The following INSL6 variants were observed in gnomAD, a reference collection of about 807,000 sequenced individuals.
INSL6 encodes the protein insulin like 6.
In INSL6, 16 loss-of-function variants were observed where a neutral mutation model predicts 9.4. The observed-to-expected ratio is 1.70, with a 90% CI of 1.15 to 2.59. The LOEUF (loss-of-function observed/expected upper bound fraction) is 2.59. Among genes scored for constraint, INSL6 ranks in the 30% most tolerant of loss-of-function variants. The pLI is 0.00. For synonymous variants in INSL6, 154 were observed against 96.9 expected (o/e 1.59, Z -3.46); for missense variants, 391 against 257.3 (o/e 1.52, Z -3.56).
chr9:5,040,323 C>T, the INSL6 span, among the ~76,000 whole-genome samples: 5 of 151,494 alleles, frequency 3.3e-5, no homozygotes, highest in Non-Finnish European at 7.4e-5. Flanking sequence ...GGATCATAGG[C>T]CTATATATGA....
chr9:5,052,050 G>A, the INSL6 span, among the ~76,000 whole-genome samples: 1 of 152,094 alleles, frequency 6.6e-6, no homozygotes, highest in African/African-American at 2.4e-5. Context: ...ATAGTTGGAG[G>A]AAGAGTATCT....
At chr9:5,069,810 T>G in the INSL6 span, 2 of 505,278 alleles carry the variant, frequency 4.0e-6, no homozygotes, top group Non-Finnish European at 6.5e-6. Flanking sequence ...AAAAGAACAA[T>G]TAGGAGTTAT....
At chr9:5,082,005 C>T in the INSL6 span, 1 of 687,798 alleles carries the variant, frequency 1.5e-6, no homozygotes. Flanking sequence ...TGGAGAAATG[C>T]TGTGTTAAAT....
At chr9:5,148,910 T>C (rs926885444) in intron 2 of INSL6, among the ~76,000 whole-genome samples, 9 of 151,804 alleles carry the variant, frequency 5.9e-5, no homozygotes, top group Admixed American at 6.5e-5. Context: ...GCAGGGACCC[T>C]GGGAGGTGCT....
At chr9:5,057,580 C>CTTTTT in the INSL6 span, among the ~76,000 whole-genome samples, 38 of 116,760 alleles carry the variant, frequency 3.3e-4, no homozygotes, top group Non-Finnish European at 5.7e-4. Context: ...ATTCTACTTT[C>CTTTTT]TTTTTTTTTT....
At chr9:5,043,656 T>C in the INSL6 span, among the ~76,000 whole-genome samples, 1 of 152,220 alleles carries the variant, frequency 6.6e-6, no homozygotes, top group African/African-American at 2.4e-5. Context: ...CTCTTCATAC[T>C]AGCGTTATTC....
At chr9:5,170,039 T>G (rs796187244) in intron 1 of INSL6, among the ~76,000 whole-genome samples, 8 of 152,266 alleles carry the variant, frequency 5.3e-5, no homozygotes, top group African/African-American at 1.9e-4. Flanking sequence ...TACAGAACTC[T>G]CCAACCCCAA....
chr9:5,171,903 T>C (rs1470302142), intron 1 of INSL6, among the ~76,000 whole-genome samples: 1 of 152,178 alleles, frequency 6.6e-6, no homozygotes, highest in African/African-American at 2.4e-5. Context: ...AAAATGGCCA[T>C]CCTGCCCAAA....
At chr9:5,121,593 C>T (rs141535926), downstream of INSL6, among the ~76,000 whole-genome samples, 84 of 152,258 alleles carry the variant, frequency 5.5e-4, no homozygotes, top group East Asian at 0.012. Context: ...GAGATAGTTA[C>T]ACGTTCTTGA....
the INSL6 span, among the ~76,000 whole-genome samples, chr9:5,117,138 C>G: frequency 6.6e-6 from 1 of 152,212 alleles, no homozygotes; most frequent in Non-Finnish European, 1.5e-5. Flanking sequence ...AGAGAGCAGC[C>G]CTCACCACAC....
the INSL6 span, chr9:5,085,536 A>G: frequency 1.4e-6 from 1 of 709,706 alleles, no homozygotes; most frequent in Non-Finnish European, 2.6e-6. Flanking sequence ...AATCTTCAAT[A>G]ACTCGGGTTA....
At chr9:5,085,171 G>A in the INSL6 span, 5 of 650,748 alleles carry the variant, frequency 7.7e-6, no homozygotes, top group East Asian at 3.6e-5. Flanking sequence ...TACATCTCCC[G>A]GCAAACTGAA....
At chr9:5,125,388 A>C (rs1564028732) in intron 3 of INSL6, among the ~76,000 whole-genome samples, 1 of 151,386 alleles carries the variant, frequency 6.6e-6, no homozygotes, top group Non-Finnish European at 1.5e-5. Context: ...CTAATTGCTG[A>C]GTAGCATTCC....
downstream of INSL6, chr9:5,122,909 T>G: frequency 5.3e-6 from 4 of 749,468 alleles, no homozygotes; most frequent in Non-Finnish European, 6.3e-6. Flanking sequence ...TTTCTCTACA[T>G]GTTTTTTTTT....
At chr9:5,032,737 C>A in the INSL6 span, among the ~76,000 whole-genome samples, 1 of 152,100 alleles carries the variant, frequency 6.6e-6, no homozygotes, top group Non-Finnish European at 1.5e-5. Flanking sequence ...ACACCAAAAC[C>A]CCATCTGTAT....
chr9:5,106,943 A>G, the INSL6 span, among the ~76,000 whole-genome samples: 1 of 152,196 alleles, frequency 6.6e-6, no homozygotes, highest in East Asian at 1.9e-4. Flanking sequence ...TGACGAGTTA[A>G]TGGGTGCTGC....
chr9:5,121,663 G>A (rs1456537812), downstream of INSL6, among the ~76,000 whole-genome samples: 1 of 152,108 alleles, frequency 6.6e-6, no homozygotes, highest in Admixed American at 6.6e-5. Context: ...ATTTTTAAAA[G>A]ATTTACATAC....
chr9:5,041,913 C>A, the INSL6 span: 212 of 395,920 alleles, frequency 5.4e-4, 2 homozygotes, highest in African/African-American at 3.9e-3. Context: ...TGGAGGTGGG[C>A]GATGAAACGA....
chr9:5,032,214 ATTGCCGAGGG>A, the INSL6 span, among the ~76,000 whole-genome samples: 1 of 152,206 alleles, frequency 6.6e-6, no homozygotes, highest in Non-Finnish European at 1.5e-5. Flanking sequence ...GGCGCCCGCC[ATTGCCGAGGG>A]TTGAGTAGGT....
Sources: gnomAD v4.1 joint callset for allele counts (sites outside exome capture counted in the v4.1 genomes callset) on GRCh38, gnomAD v4.1.1 for gene constraint, MANE v1.5 for transcripts, NCBI Gene and HGNC (gene_info 2026-07-23, HGNC 2026-07-21) for gene names.